The following RGPD2 variants were observed in gnomAD, a reference collection of about 807,000 sequenced individuals.
RGPD2 encodes the protein RANBP2 like and GRIP domain containing 2.
RGPD2 carries 2 observed loss-of-function variants against 36.0 expected under a neutral mutation model. That is an observed-to-expected ratio of 0.06 (90% CI 0.02 to 0.17). The LOEUF (loss-of-function observed/expected upper bound fraction) is 0.17. RGPD2 is among the 10% of genes least tolerant of loss of function. The pLI is 1.00. For missense variants in RGPD2, 40 were observed against 464.3 expected (o/e 0.09, Z 8.40); for synonymous variants, 19 against 163.8 (o/e 0.12, Z 6.75).
the RGPD2 span, among the ~76,000 whole-genome samples, chr2:87,852,691 G>C: frequency 6.6e-6 from 1 of 152,274 alleles, no homozygotes; most frequent in African/African-American, 2.4e-5. Flanking sequence ...CACATTTGCT[G>C]TTTCTACTGC....
intron 20 of RGPD2, chr2:87,781,367 TGTA>T (rs1195866093): frequency 8.0e-6 from 1 of 125,552 alleles, no homozygotes; most frequent in Non-Finnish European, 1.7e-5. Flanking sequence ...CATTTATCCC[TGTA>T]GTTTCATTCT....
At chr2:87,913,103 G>A in the RGPD2 span, among the ~76,000 whole-genome samples, 1 of 152,052 alleles carries the variant, frequency 6.6e-6, no homozygotes, top group South Asian at 2.1e-4. Context: ...TCCTTATATG[G>A]CTTTTTAGGA....
At chr2:87,911,287 C>T in the RGPD2 span, among the ~76,000 whole-genome samples, 1 of 142,448 alleles carries the variant, frequency 7.0e-6, no homozygotes, top group Non-Finnish European at 1.5e-5. Flanking sequence ...TTTTGACTAG[C>T]GAAGAGCTTT....
At chr2:87,763,251 G>A (rs1421690307) in intron 22 of RGPD2, among the ~76,000 whole-genome samples, 7 of 146,038 alleles carry the variant, frequency 4.8e-5, no homozygotes, top group South Asian at 2.2e-4. Flanking sequence ...TCCGCCTCCC[G>A]GGTTCGCGCC....
chr2:87,822,273 G>C (rs1363650848), intron 1 of RGPD2, among the ~76,000 whole-genome samples: 1 of 152,126 alleles, frequency 6.6e-6, no homozygotes, highest in Non-Finnish European at 1.5e-5. Context: ...AGAAACTCCA[G>C]CTTTCAGGTA....
the RGPD2 span, among the ~76,000 whole-genome samples, chr2:87,888,139 T>C: frequency 6.6e-6 from 1 of 151,786 alleles, no homozygotes; most frequent in African/African-American, 2.4e-5. Context: ...GAGGCATATC[T>C]TTCTGGCAGA....
the RGPD2 span, among the ~76,000 whole-genome samples, chr2:87,834,490 G>C: frequency 6.6e-6 from 1 of 152,088 alleles, no homozygotes. Flanking sequence ...GCTAGCAAAT[G>C]ACTTTTGCAC....
chr2:87,843,589 T>G, the RGPD2 span, among the ~76,000 whole-genome samples: 20 of 142,602 alleles, frequency 1.4e-4, no homozygotes, highest in Middle Eastern at 3.6e-3. Flanking sequence ...TGTGGAGAAA[T>G]AGGAACACTT....
chr2:87,879,984 T>C, the RGPD2 span, among the ~76,000 whole-genome samples: 1 of 71,076 alleles, frequency 1.4e-5, no homozygotes, highest in African/African-American at 7.6e-5. Context: ...TTGTTATTTT[T>C]CACTTTTTGA....
At chr2:87,824,862 GGCCGCCGCCGCC>G (rs533529835) in intron 1 of RGPD2, 5 of 37,520 alleles carry the variant, frequency 1.3e-4, no homozygotes, top group Non-Finnish European at 1.6e-4. Context: ...CCGAGGCCGA[GGCCGCCGCCGCC>G]GCCGCCGCCG....
the RGPD2 span, among the ~76,000 whole-genome samples, chr2:87,847,683 G>A: frequency 6.6e-6 from 1 of 150,616 alleles, no homozygotes; most frequent in Non-Finnish European, 1.5e-5. Context: ...ATTTTTAGTA[G>A]AGACAGGATT....
chr2:87,834,732 T>C, the RGPD2 span, among the ~76,000 whole-genome samples: 4 of 152,078 alleles, frequency 2.6e-5, no homozygotes, highest in African/African-American at 9.7e-5. Context: ...AATTTGAAGT[T>C]CCAATATTGT....
chr2:87,818,020 TAAA>T (rs1175812254), intron 2 of RGPD2, among the ~76,000 whole-genome samples: 2,305 of 65,060 alleles, frequency 0.035, 26 homozygotes, highest in African/African-American at 0.11. Context: ...AGATACTGAC[TAAA>T]AAAAAAAAAA....
the RGPD2 span, among the ~76,000 whole-genome samples, chr2:87,986,315 A>G: frequency 6.7e-6 from 1 of 149,474 alleles, no homozygotes; most frequent in Non-Finnish European, 1.5e-5. Context: ...TTGTATTTTT[A>G]GTAGAGACCA....
At chr2:87,970,270 C>T in the RGPD2 span, among the ~76,000 whole-genome samples, 1 of 151,866 alleles carries the variant, frequency 6.6e-6, no homozygotes, top group Non-Finnish European at 1.5e-5. Flanking sequence ...ACAACATAAT[C>T]ATTTTTGCTC....
the RGPD2 span, among the ~76,000 whole-genome samples, chr2:87,944,272 A>T: frequency 1.0e-5 from 1 of 98,968 alleles, no homozygotes; most frequent in East Asian, 2.5e-4. Flanking sequence ...TGTATAAATG[A>T]AAAGATCTGC....
chr2:87,866,310 T>G, the RGPD2 span, among the ~76,000 whole-genome samples: 1 of 152,222 alleles, frequency 6.6e-6, no homozygotes, highest in African/African-American at 2.4e-5. Context: ...AATCATTTGT[T>G]TTGTCCATTA....
At chr2:87,887,397 CCTT>C in the RGPD2 span, among the ~76,000 whole-genome samples, 1 of 151,262 alleles carries the variant, frequency 6.6e-6, no homozygotes, top group East Asian at 1.9e-4. Flanking sequence ...TAGACTCCCT[CCTT>C]GTTTTTAGGA....
chr2:87,971,454 T>A, the RGPD2 span, among the ~76,000 whole-genome samples: 5 of 131,406 alleles, frequency 3.8e-5, no homozygotes, highest in African/African-American at 1.1e-4. Flanking sequence ...ATATGAATAT[T>A]ATATATAAAT....
Sources: allele counts gnomAD v4.1 joint callset (sites outside exome capture counted in the v4.1 genomes callset), GRCh38; gene constraint gnomAD v4.1.1; transcripts MANE v1.5; gene names NCBI Gene and HGNC (gene_info 2026-07-23, HGNC 2026-07-21).